The following NBAS variants were observed in gnomAD, a reference collection of about 807,000 sequenced individuals.
NBAS encodes the protein NBAS subunit of NRZ tethering complex, also known as NAG/BC035112 fusion.
Under a neutral mutation model 302.5 loss-of-function variants are expected in NBAS, and 219 were observed. That is an observed-to-expected ratio of 0.72 (90% confidence interval 0.65 to 0.81). The LOEUF (loss-of-function observed/expected upper bound fraction) is 0.81, where lower values mean the gene tolerates loss of function less well. NBAS is among the 30% of genes least tolerant of loss of function. The pLI is 0.00. For synonymous variants in NBAS, 1,118 were observed against 1,021.6 expected, an observed-to-expected ratio of 1.09 and a Z score of -1.80; for missense variants, 2,932 against 2,841.6, an observed-to-expected ratio of 1.03 and a Z score of -0.72.
At chr2:15,314,076 G>A (rs1018846429) in intron 38 of NBAS, among the ~76,000 whole-genome samples, 6 of 151,300 alleles carry the variant, frequency 4.0e-5, no homozygotes, top group South Asian at 4.2e-4. Flanking sequence ...TTAAAAGGCC[G>A]GGCATGGTGG....
intron 41 of NBAS, among the ~76,000 whole-genome samples, chr2:15,291,257 T>C (rs570019523): frequency 1.3e-5 from 2 of 152,232 alleles, no homozygotes; most frequent in Non-Finnish European, 2.9e-5. Context: ...TCACCATCTA[T>C]GGAACTTAGG....
At chr2:15,406,188 T>G (rs1211711395) in intron 25 of NBAS, among the ~76,000 whole-genome samples, 1 of 145,494 alleles carries the variant, frequency 6.9e-6, no homozygotes, top group Non-Finnish European at 1.5e-5. Context: ...CACACTAAAA[T>G]CTCTATAATT....
chr2:15,082,284 T>C, the NBAS span, among the ~76,000 whole-genome samples: 1 of 152,196 alleles, frequency 6.6e-6, no homozygotes, highest in African/African-American at 2.4e-5. Context: ...CATCCATGAA[T>C]TCATGTATTC....
At chr2:15,439,428 G>A (rs961343780) in intron 21 of NBAS, among the ~76,000 whole-genome samples, 2 of 151,764 alleles carry the variant, frequency 1.3e-5, no homozygotes, top group African/African-American at 2.4e-5. Flanking sequence ...CAAAGTTCTT[G>A]AGTAATTTAA....
At chr2:14,851,225 C>A in the NBAS span, among the ~76,000 whole-genome samples, 2 of 137,802 alleles carry the variant, frequency 1.5e-5, no homozygotes, top group South Asian at 4.3e-4. Context: ...CAAATAGACA[C>A]AATAAAAAAT....
the NBAS span, among the ~76,000 whole-genome samples, chr2:15,033,984 G>A: frequency 8.9e-5 from 5 of 56,292 alleles, no homozygotes; most frequent in Admixed American, 3.0e-4. Flanking sequence ...AAGAGGAAGA[G>A]GAAGAAGAAG....
the NBAS span, among the ~76,000 whole-genome samples, chr2:15,137,056 C>T: frequency 1.3e-5 from 2 of 152,122 alleles, no homozygotes; most frequent in African/African-American, 4.8e-5. Context: ...GCCAAAGAGG[C>T]CTGAGGGACA....
chr2:15,235,188 C>T (rs975994254), intron 45 of NBAS, among the ~76,000 whole-genome samples: 7 of 152,156 alleles, frequency 4.6e-5, no homozygotes, highest in African/African-American at 1.7e-4. Context: ...AGGTATTATA[C>T]ATATGGTATC....
the NBAS span, among the ~76,000 whole-genome samples, chr2:14,839,434 T>C: frequency 4.1e-3 from 625 of 152,062 alleles, 5 homozygotes; most frequent in African/African-American, 0.014. Context: ...AGAAGAGAAA[T>C]ATCCCTGAGG....
At chr2:15,276,465 T>A (rs1018923871) in intron 43 of NBAS, among the ~76,000 whole-genome samples, 1 of 152,238 alleles carries the variant, frequency 6.6e-6, no homozygotes, top group Admixed American at 6.5e-5. Context: ...TCCATGCATA[T>A]TTTAAACATA....
chr2:14,932,245 C>T, the NBAS span, among the ~76,000 whole-genome samples: 1 of 152,172 alleles, frequency 6.6e-6, no homozygotes, highest in East Asian at 1.9e-4. Flanking sequence ...ATTGAGACTT[C>T]AAACTATGCT....
At chr2:15,203,889 CTTGTGTGT>C (rs1299730584) in intron 48 of NBAS, among the ~76,000 whole-genome samples, 3 of 58,990 alleles carry the variant, frequency 5.1e-5, no homozygotes, top group African/African-American at 2.9e-4. Flanking sequence ...TGTGTGTGTG[CTTGTGTGT>C]GTGTGTGTGT....
chr2:15,179,304 T>C (rs566890533), intron 50 of NBAS, 188 bp from the exon 51 acceptor site: 2 of 755,878 alleles, frequency 2.6e-6, no homozygotes, highest in South Asian at 3.6e-5. Context: ...CACAGTAAAC[T>C]GTGTACAGAT....
the NBAS span, among the ~76,000 whole-genome samples, chr2:14,873,896 A>C: frequency 2.0e-5 from 3 of 152,128 alleles, no homozygotes; most frequent in African/African-American, 7.2e-5. Context: ...TCAATTTATG[A>C]GAATGGGAAA....
intron 51 of NBAS, among the ~76,000 whole-genome samples, chr2:15,168,785 A>G (rs1218602243): frequency 1.3e-5 from 2 of 152,200 alleles, no homozygotes; most frequent in African/African-American, 4.8e-5. Context: ...GCATGGCACC[A>G]CGCCTGGCTA....
At chr2:14,854,548 A>C in the NBAS span, among the ~76,000 whole-genome samples, 1 of 151,996 alleles carries the variant, frequency 6.6e-6, no homozygotes, top group African/African-American at 2.4e-5. Flanking sequence ...AATTAAAAAA[A>C]AAAAAGTCCA....
chr2:15,022,863 T>G, the NBAS span, among the ~76,000 whole-genome samples: 2 of 152,212 alleles, frequency 1.3e-5, no homozygotes, highest in African/African-American at 4.8e-5. Context: ...AAAAATCATT[T>G]TTATTATTTG....
At chr2:15,219,052 T>G (rs1666795843) in intron 47 of NBAS, 84 bp from the exon 48 acceptor site, 1 of 1,505,598 alleles carries the variant, frequency 6.6e-7, no homozygotes, top group Non-Finnish European at 9.1e-7. Flanking sequence ...GTCACTGACC[T>G]AACACTTGTT....
chr2:14,922,086 T>C, the NBAS span, among the ~76,000 whole-genome samples: 1 of 152,182 alleles, frequency 6.6e-6, no homozygotes, highest in Non-Finnish European at 1.5e-5. Flanking sequence ...ATTAAACTAA[T>C]AGCACCTCTG....
Sources: gnomAD v4.1 joint callset for allele counts (sites outside exome capture counted in the v4.1 genomes callset) on GRCh38, gnomAD v4.1.1 for gene constraint, MANE v1.5 for transcripts, NCBI Gene and HGNC (gene_info 2026-07-23, HGNC 2026-07-21) for gene names.